The following CADM2 variants were observed in gnomAD, a reference collection of about 807,000 sequenced individuals.
CADM2 encodes cell adhesion molecule 2.
In CADM2, 12 loss-of-function variants were observed where a neutral mutation model predicts 49.8. The observed-to-expected ratio is 0.24, with a 90% CI of 0.15 to 0.39. The LOEUF (loss-of-function observed/expected upper bound fraction) is 0.39, where lower values mean the gene tolerates loss of function less well. CADM2 is among the 10% of genes least tolerant of loss of function. The pLI is 1.00. For missense variants in CADM2, 378 were observed against 492.3 expected, an observed-to-expected ratio of 0.77 and a Z score of 2.20; for synonymous variants, 214 against 175.4, an observed-to-expected ratio of 1.22 and a Z score of -1.74.
At chr3:85,008,152 T>A (rs1211621365) in intron 1 of CADM2, among the ~76,000 whole-genome samples, 1 of 152,160 alleles carries the variant, frequency 6.6e-6, no homozygotes, top group Non-Finnish European at 1.5e-5. Context: ...CCAACTCCAG[T>A]CTACTTCTGT....
Position 85,764,694 on chromosome 3 carries a change from A to G in CADM2, c.89-37353A>G, listed in dbSNP as rs111233963. Among the ~76,000 whole-genome samples, 35 of 152,198 alleles carry G rather than the reference A, an allele frequency of 2.3e-4. 2 individuals are homozygous for G. Among genetic ancestry groups the G allele is most frequent in the African/African-American group, 8.4e-4 (35 of 41,562 alleles). On this transcript the variant is annotated intron_variant, in intron 2 of 9. Coordinates refer to ENST00000383699, the MANE Select transcript of CADM2 (RefSeq NM_001167675.2). Reference sequence around the variant, plus strand: ...ATCAAGAGTGGGGTCATTTCAAGAAAGGACTGTGGAAATAACCTTTGTTAC... The same window carrying G: ...ATCAAGAGTGGGGTCATTTCAAGAAGGGACTGTGGAAATAACCTTTGTTAC...
At position 85,251,003 on chromosome 3, in the gene CADM2, C is replaced by T. The variant is rs191445921; in HGVS notation, c.61+291335C>T. Among the ~76,000 whole-genome samples, 273 of 151,682 alleles carry T rather than the reference C, an allele frequency of 1.8e-3. 1 individual carries two copies. The highest frequency in any genetic ancestry group is 6.3e-3 in the African/African-American group (262 of 41,488). On this transcript the variant is annotated intron_variant, in intron 1 of 9. Coordinates refer to ENST00000383699, the MANE Select transcript of CADM2 (RefSeq NM_001167675.2). ...CAGTGTAATGGTACAAATGAAAACACCTTGTTCTAGTTTTTTTCTAATTTT... is the reference window on the plus strand; with the variant it reads ...CAGTGTAATGGTACAAATGAAAACATCTTGTTCTAGTTTTTTTCTAATTTT...
At chr3:85,425,570 C>T (rs143466361) in intron 1 of CADM2, among the ~76,000 whole-genome samples, 1 of 152,146 alleles carries the variant, frequency 6.6e-6, no homozygotes, top group Non-Finnish European at 1.5e-5. Context: ...TATATTCTCG[C>T]TATGGTGCTA....
At chr3:85,063,813 G>T (rs1279356852) in intron 1 of CADM2, among the ~76,000 whole-genome samples, 3 of 151,928 alleles carry the variant, frequency 2.0e-5, no homozygotes, top group African/African-American at 7.2e-5. Flanking sequence ...AATACTGGGG[G>T]TATATTAAAA....
At chr3:85,008,259 A>G (rs1256517762) in intron 1 of CADM2, among the ~76,000 whole-genome samples, 2 of 152,204 alleles carry the variant, frequency 1.3e-5, no homozygotes, top group Non-Finnish European at 2.9e-5. Flanking sequence ...TGTATATATA[A>G]TACAAAGTTT....
intron 1 of CADM2, among the ~76,000 whole-genome samples, chr3:85,378,968 T>G (rs1208801251): frequency 6.6e-6 from 1 of 151,978 alleles, no homozygotes; most frequent in Non-Finnish European, 1.5e-5. Context: ...TGACTAGTAT[T>G]TATTAGAAGC....
intron 1 of CADM2, among the ~76,000 whole-genome samples, chr3:85,083,750 T>C (rs1409368309): frequency 2.0e-5 from 3 of 152,156 alleles, no homozygotes; most frequent in Admixed American, 6.6e-5. Flanking sequence ...TTGTCTTTCT[T>C]TATTGACCCT....
At chr3:85,651,871 G>A (rs2065051037) in intron 1 of CADM2, among the ~76,000 whole-genome samples, 2 of 149,642 alleles carry the variant, frequency 1.3e-5, no homozygotes, top group African/African-American at 2.5e-5. Context: ...AGACTGGAGT[G>A]CAGTGGCGTG....
chr3:85,148,885 A>G (rs2039832388), intron 1 of CADM2, among the ~76,000 whole-genome samples: 1 of 152,078 alleles, frequency 6.6e-6, no homozygotes, highest in South Asian at 2.1e-4. Flanking sequence ...AGGAGGAGAA[A>G]GAGGAGGGGT....
intron 1 of CADM2, among the ~76,000 whole-genome samples, chr3:85,067,242 G>A (rs1344654045): frequency 2.0e-5 from 3 of 151,802 alleles, no homozygotes; most frequent in Non-Finnish European, 4.4e-5. Flanking sequence ...TATTGGTGCT[G>A]CTTATGATTT....
chr3:84,978,443 A>G (rs1021215658), intron 1 of CADM2, among the ~76,000 whole-genome samples: 1 of 152,146 alleles, frequency 6.6e-6, no homozygotes, highest in Non-Finnish European at 1.5e-5. Context: ...AAATGGACCT[A>G]CTTAATATTA....
intron 2 of CADM2, among the ~76,000 whole-genome samples, chr3:85,741,383 G>T (rs1304370006): frequency 2.0e-5 from 3 of 151,864 alleles, no homozygotes; most frequent in Non-Finnish European, 4.4e-5. Flanking sequence ...ATAAAAAGTT[G>T]TCTCAGCCTG....
chr3:86,051,795 C>G (rs1439450772), intron 8 of CADM2, among the ~76,000 whole-genome samples: 1 of 152,102 alleles, frequency 6.6e-6, no homozygotes, highest in Non-Finnish European at 1.5e-5. Flanking sequence ...CTCAGGAGAA[C>G]TCACTCACTC....
chr3:85,351,797 A>T (rs1018815136), intron 1 of CADM2, among the ~76,000 whole-genome samples: 1 of 152,258 alleles, frequency 6.6e-6, no homozygotes, highest in African/African-American at 2.4e-5. Context: ...TTATTCTCTT[A>T]GTGGGAACAT....
intron 1 of CADM2, among the ~76,000 whole-genome samples, chr3:85,422,953 C>T (rs926720109): frequency 6.6e-6 from 1 of 152,130 alleles, no homozygotes; most frequent in Admixed American, 6.5e-5. Flanking sequence ...TTTTGGGTTC[C>T]CGCACCCAGT....
At chr3:84,996,647 T>C (rs2033194180) in intron 1 of CADM2, among the ~76,000 whole-genome samples, 1 of 152,188 alleles carries the variant, frequency 6.6e-6, no homozygotes, top group Admixed American at 6.5e-5. Flanking sequence ...TTTATAAGCT[T>C]TGTATTTTTA....
At chr3:85,194,080 A>G (rs370768541) in intron 1 of CADM2, among the ~76,000 whole-genome samples, 9 of 152,274 alleles carry the variant, frequency 5.9e-5, no homozygotes, top group African/African-American at 2.2e-4. Flanking sequence ...GAAGTAGTTT[A>G]TGAACTAAAA....
At chr3:85,773,897 A>G (rs1244533276) in intron 2 of CADM2, among the ~76,000 whole-genome samples, 2 of 152,138 alleles carry the variant, frequency 1.3e-5, no homozygotes, top group East Asian at 3.9e-4. Context: ...TTATCTTAAT[A>G]GACAAAATTT....
intron 7 of CADM2, among the ~76,000 whole-genome samples, chr3:85,943,732 A>G (rs1269688970): frequency 6.6e-6 from 1 of 151,964 alleles, no homozygotes; most frequent in African/African-American, 2.4e-5. Context: ...CAGAGCCCTC[A>G]GAAATAACGC....
Sources: gnomAD v4.1 joint callset for allele counts (sites outside exome capture counted in the v4.1 genomes callset) on GRCh38, gnomAD v4.1.1 for gene constraint, MANE v1.5 for transcripts, NCBI Gene and HGNC (gene_info 2026-07-23, HGNC 2026-07-21) for gene names.